ZFP90: variants seen among roughly 807,000 people sequenced by gnomAD.
ZFP90 encodes the protein ZFP90 zinc finger protein.
A neutral mutation model predicts 60.8 loss-of-function variants in ZFP90; 38 were observed. The ratio of observed to expected loss-of-function variants is 0.62; its 90% CI spans 0.48 to 0.82. ZFP90 has a LOEUF of 0.82. ZFP90 is among the 40% of genes least tolerant of loss of function. The pLI is 0.00. For missense variants in ZFP90, 711 were observed against 759.1 expected (o/e 0.94, Z 0.74); for synonymous variants, 287 against 264.8 (o/e 1.08, Z -0.82).
In ZFP90 at chr16:68,566,562, C is replaced by T. The variant is rs942890133; in HGVS notation, c.*1864C>T. The T allele has an allele frequency of 5.1e-6, 5 of 985,368 alleles. No homozygotes were observed. In the African/African-American group the frequency reaches 7.0e-5, roughly 14 times the overall value. 61.0% of individuals were successfully genotyped at this position (985,368 alleles called of 1,614,324 possible). A position where few individuals can be genotyped will look rare whatever the true frequency, so the allele number is the denominator to read the frequency against. On this transcript the variant is annotated 3_prime_UTR_variant, in exon 5 of 5. Coordinates refer to ENST00000563169, the MANE Select transcript of ZFP90 (RefSeq NM_001305203.2). ...ATATGTGTAGCTCAATTAGTCTCTC[C>T]TCTGTGATGCAAAATGGAATATTCA...
intron 2 of ZFP90, among the ~76,000 whole-genome samples, chr16:68,545,377 A>G (rs1030972946): frequency 1.3e-5 from 2 of 152,198 alleles, no homozygotes; most frequent in African/African-American, 4.8e-5. Context: ...TCTGCTACTA[A>G]TATAGCACAA....
At chr16:68,569,214 G>A (rs558725974), downstream of ZFP90, among the ~76,000 whole-genome samples, 63 of 138,434 alleles carry the variant, frequency 4.6e-4, no homozygotes, top group African/African-American at 1.5e-3. Context: ...TCAACTCACT[G>A]CAACTTCCGC....
At chr16:68,568,553 C>G (rs931663667), downstream of ZFP90, among the ~76,000 whole-genome samples, 3 of 152,160 alleles carry the variant, frequency 2.0e-5, no homozygotes, top group South Asian at 4.1e-4. Context: ...GATACATATC[C>G]TAGACTAGAA....
chr16:68,564,258 C>T lies in ZFP90; in HGVS notation c.1471C>T (p.His491Tyr). 1 of 1,614,072 alleles carries T rather than the reference C, an allele frequency of 6.2e-7. No homozygotes were observed. The highest frequency in any genetic ancestry group is 8.5e-7 in the Non-Finnish European group (1 of 1,179,992). Residue 491 changes from histidine (H) to tyrosine (Y), a missense_variant, in exon 5 of 5, where the codon CAT becomes TAT. Coordinates refer to ENST00000563169, the MANE Select transcript of ZFP90 (RefSeq NM_001305203.2). Reference sequence around the variant, plus strand: ...GGCTTTTAGTCAGCAAGCTATTTCTCATCCTGGAGAGAAACCCTATCAATG... The same window carrying T: ...GGCTTTTAGTCAGCAAGCTATTTCTTATCCTGGAGAGAAACCCTATCAATG... ...EQAFSQQAIS[H>Y]PGEKPYQCNV...
upstream of ZFP90, chr16:68,535,376 T>G (rs555317304): frequency 2.0e-5 from 3 of 152,310 alleles, no homozygotes; most frequent in African/African-American, 7.2e-5. Flanking sequence ...GTCTCTACCA[T>G]GGGAGTATTC....
Position 68,563,226 on chromosome 16 carries a change from A to G in ZFP90, c.439A>G (p.Lys147Glu). 6.2e-7 allele frequency: 1 copy of G among 1,613,718 alleles called. No homozygotes were observed. Among genetic ancestry groups the G allele is most frequent in the Non-Finnish European group, 8.5e-7 (1 of 1,179,876 alleles). ...HLGSEASTQK[K>E]IITPQENFEQ... The stretch of plus-strand genomic sequence containing the variant: ...GGGATCAGAGGCATCCACCCAGAAG[A>G]AAATAATTACACCACAAGAAAATTT... The change falls in exon 5 of 5, where the codon AAA becomes GAA. Residue 147 changes from lysine to glutamate, a missense_variant. This residue lies in a region of ZFP90 where 241 missense variants were observed against 247.6 expected (regional missense o/e 0.97). Coordinates refer to ENST00000563169, the MANE Select transcript of ZFP90 (RefSeq NM_001305203.2).
At chr16:68,539,662 C>T (rs1304728209) in intron 1 of ZFP90, 96 bp from the exon 2 acceptor site, 9 of 969,502 alleles carry the variant, frequency 9.3e-6, no homozygotes, top group East Asian at 6.0e-5. Flanking sequence ...CACCATCTCC[C>T]CTGGAGATGT....
chr16:68,557,384 C>A, intron 2 of ZFP90: 1 of 415,766 alleles, frequency 2.4e-6, no homozygotes, highest in Non-Finnish European at 4.9e-6. Context: ...TACAGGTGTA[C>A]TGTGGAGTAC....
intron 2 of ZFP90, among the ~76,000 whole-genome samples, chr16:68,540,090 G>A (rs1405091115): frequency 6.6e-6 from 1 of 152,190 alleles, no homozygotes; most frequent in Non-Finnish European, 1.5e-5. Context: ...TCAGTTTTGA[G>A]AGTCCTGAAT....
rs959016188 is a variant in ZFP90 at position 68,559,354 on chromosome 16, C to G, written c.256+786C>G. Among the ~76,000 whole-genome samples, 2 of 152,140 alleles carry G rather than the reference C, an allele frequency of 1.3e-5. 1 individual carries two copies. The highest frequency in any genetic ancestry group is 4.8e-5 in the African/African-American group (2 of 41,430). On this transcript the variant is annotated intron_variant, in intron 4 of 4. Coordinates refer to ENST00000563169, the MANE Select transcript of ZFP90 (RefSeq NM_001305203.2). ...TCTAAATCCGTCACCTTTCATCCCC[C>G]ACCAGTATGTTTTGCTACCTTGCCT... is the stretch of plus-strand genomic sequence containing the variant.
At chr16:68,559,329 T>C (rs141599827) in intron 4 of ZFP90, among the ~76,000 whole-genome samples, 164 of 152,262 alleles carry the variant, frequency 1.1e-3, no homozygotes, top group African/African-American at 3.6e-3. Context: ...ATACATAAAA[T>C]CTAAATCCGT....
At chr16:68,554,827 T>TTAA (rs1405691192) in intron 2 of ZFP90, among the ~76,000 whole-genome samples, 1 of 152,170 alleles carries the variant, frequency 6.6e-6, no homozygotes, top group Non-Finnish European at 1.5e-5. Flanking sequence ...AGGCCATATG[T>TTAA]TAAATATGAG....
chr16:68,539,775 G>A lies in ZFP90; in HGVS notation c.-18G>A, dbSNP rs202082484. 1.3e-4 allele frequency: 201 copies of A among 1,587,062 alleles called. 1 individual carries two copies. In the African/African-American group the frequency reaches 2.5e-3, roughly 20 times the overall value. ...CTCCCCAGCTCCTGCCCCGGAGCCGGGCCCTGGCGAGGCAGGAATGGCCCC... is the reference window on the plus strand; with the variant it reads ...CTCCCCAGCTCCTGCCCCGGAGCCGAGCCCTGGCGAGGCAGGAATGGCCCC... On this transcript the variant is annotated 5_prime_UTR_variant, in exon 2 of 5. Coordinates refer to ENST00000563169, the MANE Select transcript of ZFP90 (RefSeq NM_001305203.2).
chr16:68,563,726 T>C lies in ZFP90; in HGVS notation c.939T>C (p.Ser313=), dbSNP rs2091472404. 6.2e-7 allele frequency: 1 copy of C among 1,605,524 alleles called. No homozygotes were observed. The highest frequency in any genetic ancestry group is 1.4e-5 in the African/African-American group (1 of 72,346). ...CCGGAGAGAAACCCTATCAGTGTAG[T>C]CTCTGTGGGAAAGCCTTCCAGCGCA... ...AHTGEKPYQC[S]LCGKAFQRSS... Residue 313 remains serine, a synonymous_variant, in exon 5 of 5, where the codon AGT becomes AGC. Transcript: ENST00000563169.
rs1190101020 is a variant in ZFP90 at position 68,574,892 on chromosome 16, A to AT, written c.224-898dup. ...TGAGCAGAGATTGTGCCACTGGCAT[A>AT]TGCCAGCCTGGGCCACAGAGTGAGA... is the stretch of plus-strand genomic sequence containing the variant. On this transcript the variant is annotated intron_variant, in intron 2 of 2. Coordinates refer to the ZFP90 transcript ENST00000573113. 4.2e-5 allele frequency among the ~76,000 whole-genome samples: 6 copies of AT among 143,056 alleles called. No individual in the cohort carries two copies. The South Asian group carries it at 1.2e-3, about 28-fold the overall frequency. 93.9% of individuals were successfully genotyped at this position (143,056 alleles called of 152,430 possible).
chr16:68,565,169 A>G lies in ZFP90; in HGVS notation c.*471A>G, dbSNP rs140869646. 1,765 of 992,144 alleles carry G rather than the reference A, an allele frequency of 1.8e-3. 13 individuals carry two copies. The Admixed American group carries it at 0.019, about 10-fold the overall frequency. 61.5% of individuals were successfully genotyped at this position (992,144 alleles called of 1,614,324 possible). ...AAGTCACCATTCAAAGAATTAGATC[A>G]ACTAGCCCAACCACTTCATTGTACA... On this transcript the variant is annotated 3_prime_UTR_variant, in exon 5 of 5. Coordinates refer to ENST00000563169, the MANE Select transcript of ZFP90 (RefSeq NM_001305203.2).
In ZFP90 at chr16:68,566,654, G is replaced by T; in HGVS notation, c.*1956G>T. On this transcript the variant is annotated 3_prime_UTR_variant, in exon 5 of 5. Transcript: ENST00000563169. Reference sequence around the variant, plus strand: ...CCTTGTTTATGGTGCACCATGATTAGCTCACACACAATGCCAAGGCTGTGC... The same window carrying T: ...CCTTGTTTATGGTGCACCATGATTATCTCACACACAATGCCAAGGCTGTGC... 1.0e-6 allele frequency: 1 copy of T among 985,546 alleles called. No homozygotes were observed. Among genetic ancestry groups the T allele is most frequent in the Non-Finnish European group, 1.2e-6 (1 of 829,942 alleles). The allele number at this position is 985,546 out of a possible 1,614,324, so 61.1% of individuals were successfully genotyped here. A position where few individuals can be genotyped will look rare whatever the true frequency, so the allele number is the denominator to read the frequency against.
Position 68,565,440 on chromosome 16 carries a change from A to C in ZFP90, c.*742A>C. ...TCTTAAAAGTATAAGTGGGAGCAAA[A>C]TGTATGCAAATTTATCACAAACTAT... On this transcript the variant is annotated 3_prime_UTR_variant, in exon 5 of 5. Coordinates refer to ENST00000563169, the MANE Select transcript of ZFP90 (RefSeq NM_001305203.2). The C allele has an allele frequency of 1.0e-6, 1 of 985,620 alleles. No homozygotes were observed. Among genetic ancestry groups the C allele is most frequent in the Non-Finnish European group, 1.2e-6 (1 of 829,950 alleles). The allele number at this position is 985,620 out of a possible 1,614,324, so 61.1% of individuals were successfully genotyped here.
intron 4 of ZFP90, 21 bp from the exon 5 acceptor site, chr16:68,563,023 T>A: frequency 6.8e-6 from 11 of 1,613,696 alleles, no homozygotes; most frequent in Non-Finnish European, 9.3e-6. Context: ...AGGGGACTTT[T>A]GTACTTTGGA....
Sources: gnomAD v4.1 joint callset for allele counts (sites outside exome capture counted in the v4.1 genomes callset) on GRCh38, gnomAD v4.1.1 for gene constraint, gnomAD v4.1.1 regional missense constraint, MANE v1.5 for transcripts, NCBI Gene and HGNC (gene_info 2026-07-23, HGNC 2026-07-21) for gene names.